PCDHA11: variants seen among roughly 807,000 people sequenced by gnomAD.
PCDHA11 encodes the protein protocadherin alpha-11.
In PCDHA11, 61 loss-of-function variants were observed where a neutral mutation model predicts 70.3. The ratio of observed to expected loss-of-function variants is 0.87; its 90% CI spans 0.71 to 1.07. The LOEUF is 1.07. PCDHA11 is among the 50% of genes least tolerant of loss of function. The probability of loss-of-function intolerance (pLI) is 0.00; values close to 1 mark genes in which losing one functional copy is unlikely to be tolerated. For synonymous variants in PCDHA11, 633 were observed against 555.1 expected (o/e 1.14, Z -1.97); for missense variants, 1,324 against 1,237.5 (o/e 1.07, Z -1.05).
intron 1 of PCDHA11, 27 bp from the exon 2 acceptor site, chr5:140,978,922 C>G: frequency 6.2e-7 from 1 of 1,613,966 alleles, no homozygotes; most frequent in Non-Finnish European, 8.5e-7. Context: ...GTCATTTTAA[C>G]AGAAAACTCT....
At chr5:140,911,663 T>G (rs2075591717) in intron 1 of PCDHA11, among the ~76,000 whole-genome samples, 1 of 152,206 alleles carries the variant, frequency 6.6e-6, no homozygotes, top group Non-Finnish European at 1.5e-5. Context: ...CTAAACTCCT[T>G]GCCTCTCACG....
chr5:140,973,974 T>C (rs2096609755), intron 1 of PCDHA11, among the ~76,000 whole-genome samples: 1 of 152,224 alleles, frequency 6.6e-6, no homozygotes. Context: ...TAAATGTGGC[T>C]TTTACAGAAC....
At position 140,946,631 on chromosome 5, in the gene PCDHA11, T is replaced by TATATATATATACAC. The variant is rs57893927; in HGVS notation, c.2392-32317_2392-32316insTATATATATACACA. Among the ~76,000 whole-genome samples, 93 of 131,838 alleles carry TATATATATATACAC rather than the reference T, an allele frequency of 7.1e-4. 3 individuals carry two copies. Among genetic ancestry groups the TATATATATATACAC allele is most frequent in the East Asian group, 2.3e-3 (11 of 4,866 alleles). 86.5% of individuals were successfully genotyped at this position (131,838 alleles called of 152,430 possible). A position where few individuals can be genotyped will look rare whatever the true frequency, so the allele number is the denominator to read the frequency against. ...TGTGAAATATATATATATATATATA[T>TATATATATATACAC]ACAATGGAATACTCATCAGCCATTA... On this transcript the variant is annotated intron_variant, in intron 1 of 3. Transcript: ENST00000398640.
chr5:140,881,488 AT>A (rs1193131425), intron 1 of PCDHA11: 4 of 334,526 alleles, frequency 1.2e-5, no homozygotes, highest in African/African-American at 8.9e-5. Flanking sequence ...TATTGTGTTT[AT>A]GCACATACAC....
In PCDHA11 at chr5:140,928,627, T is replaced by G. The variant is rs782634688; in HGVS notation, c.2392-50322T>G. The G allele has an allele frequency of 1.5e-5, 24 of 1,614,220 alleles. No homozygotes were observed. The highest frequency in any genetic ancestry group is 1.9e-5 in the Non-Finnish European group (23 of 1,180,026). On this transcript the variant is annotated intron_variant, in intron 1 of 3. Transcript: ENST00000398640. ...GCCCCGCTCTGCCAGGACTGGACAC[T>G]TGGTCACAAAAGTGGTAGCAGAGGA...
chr5:140,904,939 T>G (rs1418494936), intron 1 of PCDHA11, among the ~76,000 whole-genome samples: 3 of 152,254 alleles, frequency 2.0e-5, no homozygotes, highest in Admixed American at 2.0e-4. Flanking sequence ...TTCTGGATAT[T>G]AGTCCTTTGT....
At chr5:140,894,947 A>G (rs1257936552) in intron 1 of PCDHA11, among the ~76,000 whole-genome samples, 1 of 152,178 alleles carries the variant, frequency 6.6e-6, no homozygotes, top group Non-Finnish European at 1.5e-5. Flanking sequence ...TTGTCATGAA[A>G]TGATAAAAAT....
At chr5:140,896,090 C>T (rs1312909051) in intron 1 of PCDHA11, among the ~76,000 whole-genome samples, 2 of 152,152 alleles carry the variant, frequency 1.3e-5, no homozygotes, top group African/African-American at 4.8e-5. Flanking sequence ...GGATTACAGG[C>T]GTGAGCCACT....
chr5:140,891,635 G>A (rs1266162781), intron 1 of PCDHA11, among the ~76,000 whole-genome samples: 3 of 151,868 alleles, frequency 2.0e-5, no homozygotes, highest in African/African-American at 7.3e-5. Context: ...TTTGCTCTTT[G>A]GGCTTTATTG....
At chr5:140,905,182 A>C (rs1283931938) in intron 1 of PCDHA11, among the ~76,000 whole-genome samples, 1 of 152,172 alleles carries the variant, frequency 6.6e-6, no homozygotes. Context: ...TTTAGATTTA[A>C]GTCTTTGATC....
chr5:140,967,769 G>A (rs1213232834), intron 1 of PCDHA11: 1 of 1,614,104 alleles, frequency 6.2e-7, no homozygotes, highest in Non-Finnish European at 8.5e-7. Flanking sequence ...CCAGATCTAT[G>A]TGCAGGCGAC....
chr5:141,006,379 G>GT (rs2098271047), intron 3 of PCDHA11, among the ~76,000 whole-genome samples: 1 of 151,748 alleles, frequency 6.6e-6, no homozygotes, highest in South Asian at 2.1e-4. Flanking sequence ...GCCCGGCTAA[G>GT]TTTTTTCTAT....
At chr5:141,006,662 G>A (rs1198129323) in intron 3 of PCDHA11, among the ~76,000 whole-genome samples, 1 of 152,192 alleles carries the variant, frequency 6.6e-6, no homozygotes, top group Admixed American at 6.5e-5. Context: ...TCCTGAAAGA[G>A]TGGTGGCAGT....
In PCDHA11 at chr5:140,869,798, T is replaced by A. The variant is rs782748267; in HGVS notation, c.695T>A (p.Val232Asp). 1.2e-6 allele frequency: 2 copies of A among 1,612,730 alleles called. No homozygotes were observed. ...GGCACCGTTCGGCTGTTAGTCCAAG[T>A]CTTGGATGTCAACGACAATGATCCA... ...LTGTVRLLVQ[V>D]LDVNDNDPEF... Residue 232 changes from valine (V) to aspartate (D), a missense_variant, in exon 1 of 4, where the codon GTC becomes GAC. Transcript: ENST00000398640.
chr5:140,934,706 T>G (rs141577289), intron 1 of PCDHA11, among the ~76,000 whole-genome samples: 348 of 152,292 alleles, frequency 2.3e-3, no homozygotes, highest in African/African-American at 8.1e-3. Context: ...CCTGGCCATC[T>G]TACAAAAAGG....
chr5:140,992,414 G>T (rs868994021), intron 3 of PCDHA11, among the ~76,000 whole-genome samples: 1 of 152,128 alleles, frequency 6.6e-6, no homozygotes, highest in African/African-American at 2.4e-5. Flanking sequence ...TCTGCCCCAG[G>T]TCTAAGAATA....
At chr5:140,897,486 A>G (rs183789033) in intron 1 of PCDHA11, among the ~76,000 whole-genome samples, 2 of 151,962 alleles carry the variant, frequency 1.3e-5, no homozygotes, top group Admixed American at 6.5e-5. Flanking sequence ...ATGATTTCCA[A>G]TTTCAACCAT....
At chr5:140,898,400 C>T (rs1374307667) in intron 1 of PCDHA11, among the ~76,000 whole-genome samples, 1 of 152,178 alleles carries the variant, frequency 6.6e-6, no homozygotes, top group Non-Finnish European at 1.5e-5. Flanking sequence ...TTTCAGCTTT[C>T]TACATACGGC....
At position 140,869,695 on chromosome 5, in the gene PCDHA11, A is replaced by G. The variant is rs2051335232; in HGVS notation, c.592A>G (p.Lys198Glu). ...QIKRLSLILK[K>E]SLDREKTPEL... Reference sequence around the variant, plus strand: ...TAAAAGACTGTCACTTATTTTAAAGAAGTCTCTGGATAGAGAGAAAACTCC... The same window carrying G: ...TAAAAGACTGTCACTTATTTTAAAGGAGTCTCTGGATAGAGAGAAAACTCC... Residue 198 changes from lysine to glutamate, a missense_variant, in exon 1 of 4, where the codon AAG becomes GAG. Transcript: ENST00000398640. The G allele has an allele frequency of 6.2e-7, 1 of 1,613,342 alleles. No individual in the cohort carries two copies. The highest frequency in any genetic ancestry group is 1.3e-5 in the African/African-American group (1 of 74,938).
Sources: allele counts gnomAD v4.1 joint callset (sites outside exome capture counted in the v4.1 genomes callset), GRCh38; gene constraint gnomAD v4.1.1; transcripts MANE v1.5; gene names NCBI Gene and HGNC (gene_info 2026-07-23, HGNC 2026-07-21).